CACNA1A: variants seen among roughly 807,000 people sequenced by gnomAD.
The protein encoded by CACNA1A is voltage-dependent P/Q-type calcium channel subunit alpha-1A.
A neutral mutation model predicts 262.4 loss-of-function variants in CACNA1A; 57 were observed. That is an observed-to-expected ratio of 0.22 (90% CI 0.18 to 0.27). The LOEUF is 0.27. CACNA1A is among the 10% of genes least tolerant of loss of function. The pLI, the probability that CACNA1A is intolerant of heterozygous loss-of-function variation, is 1.00. For missense variants in CACNA1A, 2,526 were observed against 3,562.8 expected, an observed-to-expected ratio of 0.71 and a Z score of 7.41; for synonymous variants, 1,431 against 1,419.3, an observed-to-expected ratio of 1.01 and a Z score of -0.18.
intron 30 of CACNA1A, among the ~76,000 whole-genome samples, chr19:13,245,825 C>T (rs138593241): frequency 6.6e-6 from 1 of 152,150 alleles, no homozygotes; most frequent in Non-Finnish European, 1.5e-5. Context: ...GTGCATGCCA[C>T]CACACCCAGC....
rs187091275 is a variant in CACNA1A at position 13,375,503 on chromosome 19, T to C, written c.540-3724A>G. On this transcript the variant is annotated intron_variant, in intron 3 of 46. Coordinates refer to ENST00000360228, the MANE Select transcript of CACNA1A (RefSeq NM_001127222.2). Reference sequence around the variant, plus strand: ...GAGGAAGGCGTGTCAAAAGCTGAGATAGGGCCAGGGATGGTGGCTCATGCC... The same window carrying C: ...GAGGAAGGCGTGTCAAAAGCTGAGACAGGGCCAGGGATGGTGGCTCATGCC... Among the ~76,000 whole-genome samples the C allele has an allele frequency of 1.8e-4, 28 of 152,208 alleles. No individual in the cohort carries two copies. The East Asian group carries it at 4.2e-3, about 23-fold the overall frequency.
chr19:13,351,488 T>C (rs1022184929), intron 6 of CACNA1A, among the ~76,000 whole-genome samples: 1 of 152,076 alleles, frequency 6.6e-6, no homozygotes, highest in African/African-American at 2.4e-5. Context: ...ACTACAGACA[T>C]GGACCACCAC....
intron 3 of CACNA1A, among the ~76,000 whole-genome samples, chr19:13,413,350 C>T (rs1363039265): frequency 6.6e-6 from 1 of 151,368 alleles, no homozygotes; most frequent in South Asian, 2.1e-4. Flanking sequence ...TCGTGATCCG[C>T]CCGCCTTGGC....
At chr19:13,275,820 G>A (rs1383229846) in intron 24 of CACNA1A, 30 bp downstream of exon 24, 1 of 1,436,248 alleles carries the variant, frequency 7.0e-7, no homozygotes, top group Non-Finnish European at 9.8e-7. Context: ...GGGGAAAAGA[G>A]GCAAGAGGAA....
In CACNA1A at chr19:13,371,642, T is replaced by C. The variant is rs749749427; in HGVS notation, c.631+46A>G. ...CTGCATAGGGGAAACTGAGGGCTCC[T>C]GGGGCCCGTGAGCAAACCCCTTGTC... On this transcript the variant is annotated intron_variant, in intron 4 of 46. Transcript: ENST00000360228. The C allele has an allele frequency of 1.4e-5, 19 of 1,406,798 alleles. No individual in the cohort carries two copies. In the East Asian group the frequency reaches 3.7e-4, roughly 28 times the overall value. The allele number at this position is 1,406,798 out of a possible 1,614,324, so 87.1% of individuals were successfully genotyped here.
intron 6 of CACNA1A, among the ~76,000 whole-genome samples, chr19:13,351,730 G>A (rs563918812): frequency 6.6e-6 from 1 of 151,982 alleles, no homozygotes; most frequent in Non-Finnish European, 1.5e-5. Context: ...GGCTGGTCTC[G>A]AATTCCTGAC....
At chr19:13,405,058 C>T (rs557430763) in intron 3 of CACNA1A, among the ~76,000 whole-genome samples, 41 of 151,988 alleles carry the variant, frequency 2.7e-4, no homozygotes, top group Middle Eastern at 3.4e-3. Flanking sequence ...CCACCACACC[C>T]GGCTAATTTT....
Position 13,299,141 on chromosome 19 carries a change from C to A in CACNA1A, c.2492G>T (p.Arg831Leu). Reference protein sequence around the residue: ...RPLVVDPQENRNNNTNKSRAA... With the variant: ...RPLVVDPQENLNNNTNKSRAA... ...CCGGCTCTTGTTGGTGTTGTTGTTG[C>A]GGTTCTCCTGCGGGTCCACCACCAG... Residue 831 changes from arginine (R) to leucine (L), a missense_variant, in exon 19 of 47, where the codon CGC (arginine) becomes CTC (leucine). Coordinates refer to ENST00000360228, the MANE Select transcript of CACNA1A (RefSeq NM_001127222.2). The A allele has an allele frequency of 1.9e-6, 3 of 1,613,190 alleles. No individual in the cohort carries two copies. Among genetic ancestry groups the A allele is most frequent in the Non-Finnish European group, 2.5e-6 (3 of 1,179,834 alleles).
chr19:13,275,827 G>T (rs776187955), intron 24 of CACNA1A, 23 bp downstream of exon 24: 1 of 1,516,356 alleles, frequency 6.6e-7, no homozygotes, highest in Non-Finnish European at 9.2e-7. Flanking sequence ...AGAGGCAAGA[G>T]GAACCCTTGC....
chr19:13,456,225 T>C (rs2061004659), intron 1 of CACNA1A, among the ~76,000 whole-genome samples: 1 of 152,158 alleles, frequency 6.6e-6, no homozygotes, highest in Admixed American at 6.5e-5. Context: ...ACCTAATGCA[T>C]GATCCACAGA....
intron 1 of CACNA1A, among the ~76,000 whole-genome samples, chr19:13,499,017 A>AT (rs955831283): frequency 2.0e-5 from 3 of 151,872 alleles, no homozygotes; most frequent in Non-Finnish European, 4.4e-5. Context: ...TGTTTTTCCT[A>AT]TTTTTTTAGG....
chr19:13,207,671 GC>G lies in CACNA1A; in HGVS notation c.7162del (p.Ala2388ProfsTer220). The part of the protein sequence containing the change: ...ESPRACRHGG[A>X]RWPASGPHVS... The stretch of plus-strand genomic sequence containing the variant: ...GTGCGGGCCAGATGCCGGCCACCGG[GC>G]CCCGCCGTGTCGACAGGCCCTGGGG... On this transcript the variant is annotated frameshift_variant, in exon 47 of 47. Coordinates refer to ENST00000360228, the MANE Select transcript of CACNA1A (RefSeq NM_001127222.2). LOFTEE classifies it low-confidence loss of function (END_TRUNC). This position sits in a 1 kb window ranked among gnomAD's most constrained non-coding sequence, Gnocchi z 5.7. 4 of 1,430,136 alleles carry G rather than the reference GC, an allele frequency of 2.8e-6. No homozygotes were observed. Among genetic ancestry groups the G allele is most frequent in the Non-Finnish European group, 2.7e-6 (3 of 1,090,990 alleles). 88.6% of individuals were successfully genotyped at this position (1,430,136 alleles called of 1,614,324 possible).
rs543142609 is a variant in CACNA1A at position 13,397,235 on chromosome 19, T to C, written c.540-25456A>G. Among the ~76,000 whole-genome samples the C allele has an allele frequency of 5.3e-5, 8 of 152,228 alleles. 1 individual carries two copies. In the East Asian group the frequency reaches 1.5e-3, roughly 29 times the overall value. The stretch of plus-strand genomic sequence containing the variant: ...AGCAGGATTTGATTCTAGATTTCCC[T>C]ACCTCAAGAGGGAGGGATGCTCTAC... On this transcript the variant is annotated intron_variant, in intron 3 of 46. Transcript: ENST00000360228.
intron 36 of CACNA1A, chr19:13,228,613 T>C: frequency 3.2e-6 from 1 of 311,590 alleles, no homozygotes; most frequent in Non-Finnish European, 5.8e-6. Flanking sequence ...GAGATATATA[T>C]ATATATATAT....
At chr19:13,313,938 C>T (rs1482630905) in intron 11 of CACNA1A, among the ~76,000 whole-genome samples, 9 of 152,174 alleles carry the variant, frequency 5.9e-5, no homozygotes, top group Non-Finnish European at 1.3e-4. Context: ...GGCTTTTCTC[C>T]TAACTCAGAA....
chr19:13,299,198 C>A lies in CACNA1A; in HGVS notation c.2435G>T (p.Arg812Leu), dbSNP rs953797733. The change falls in exon 19 of 47, where the codon CGG becomes CTG. Residue 812 changes from arginine (R) to leucine (L), a missense_variant. Physicochemically the swap from Arg to Leu is moderately radical, Grantham distance 102 (BLOSUM62 -2). Coordinates refer to ENST00000360228, the MANE Select transcript of CACNA1A (RefSeq NM_001127222.2). Reference sequence around the variant, plus strand: ...GTCCAAGTGCGTCTTCATGTCTGGCCGCAGGTGCCGCGTGTAGGCAGCCTT... The same window carrying A: ...GTCCAAGTGCGTCTTCATGTCTGGCAGCAGGTGCCGCGTGTAGGCAGCCTT... ...RWKAAYTRHL[R>L]PDMKTHLDRP... The A allele has an allele frequency of 6.2e-7, 1 of 1,612,376 alleles. No individual in the cohort carries two copies. The highest frequency in any genetic ancestry group is 1.6e-4 in the Middle Eastern group (1 of 6,062).
chr19:13,389,477 C>T (rs558180010), intron 3 of CACNA1A, among the ~76,000 whole-genome samples: 14 of 152,286 alleles, frequency 9.2e-5, no homozygotes, highest in African/African-American at 3.4e-4. Flanking sequence ...TGAGTACTAC[C>T]GATATGTCTC....
chr19:13,474,554 T>C lies in CACNA1A; in HGVS notation c.294-19342A>G, dbSNP rs145540355. 5.3e-3 allele frequency among the ~76,000 whole-genome samples: 814 copies of C among 152,268 alleles called. 5 individuals carry two copies. The highest frequency in any genetic ancestry group is 0.013 in the African/African-American group (520 of 41,562). ...AAAGAGTTTGCCAGGTGTGGTGGCT[T>C]ACGCCTGTAATCCCAGCACTTTGGG... On this transcript the variant is annotated intron_variant, in intron 1 of 46. Transcript: ENST00000360228.
At position 13,245,173 on chromosome 19, in the gene CACNA1A, G is replaced by A; in HGVS notation, c.4950+9C>T. ...GAGTCACCCAGAGAGAAGCTGGAGG[G>A]AGACTTACCCCAAACTCAGTCACGA... is the stretch of plus-strand genomic sequence containing the variant. On this transcript the variant is annotated intron_variant, in intron 31 of 46. Transcript: ENST00000360228. The A allele has an allele frequency of 3.1e-6, 5 of 1,611,454 alleles. No individual in the cohort carries two copies. The highest frequency in any genetic ancestry group is 4.2e-6 in the Non-Finnish European group (5 of 1,177,586).
Sources: allele counts gnomAD v4.1 joint callset (sites outside exome capture counted in the v4.1 genomes callset), GRCh38; gene constraint gnomAD v4.1.1; non-coding constraint Gnocchi (gnomAD v3.1); transcripts MANE v1.5; gene names NCBI Gene and HGNC (gene_info 2026-07-23, HGNC 2026-07-21).